Variants in HHIPL1 observed in about 807,000 individuals in gnomAD.
HHIPL1 encodes HHIP like 1.
Under a neutral mutation model 61.8 loss-of-function variants are expected in HHIPL1, and 43 were observed. The observed-to-expected ratio is 0.70, with a 90% confidence interval of 0.55 to 0.90. The LOEUF is 0.90. Among genes scored for constraint, HHIPL1 ranks in the 40% least tolerant of loss-of-function variants. HHIPL1 has a pLI of 0.00. For synonymous variants in HHIPL1, 482 were observed against 515.8 expected (o/e 0.93, Z 0.89); for missense variants, 1,056 against 1,157.7 (o/e 0.91, Z 1.28).
At chr14:99,647,220 G>A (rs2055856459) in intron 1 of HHIPL1, among the ~76,000 whole-genome samples, 1 of 152,210 alleles carries the variant, frequency 6.6e-6, no homozygotes, top group South Asian at 2.1e-4. Context: ...GCAACAGAGG[G>A]TGGGCTGGCC....
chr14:99,666,375 C>T (rs2056245655), intron 6 of HHIPL1, among the ~76,000 whole-genome samples: 1 of 152,196 alleles, frequency 6.6e-6, no homozygotes, highest in South Asian at 2.1e-4. Flanking sequence ...TGGCAGCATC[C>T]GCAGGGGCTC....
Position 99,662,993 on chromosome 14 carries a change from C to A in HHIPL1, c.1620C>A (p.Tyr540Ter). Residue 540 changes from tyrosine (Y) to a stop codon, truncating the protein, a stop_gained, in exon 6 of 9, where the codon TAC becomes TAA. Transcript: ENST00000330710. LOFTEE classifies it high-confidence loss of function. ...GCCTCATCAACAACTACTACCCGTA[C>A]ATCATCTCCTTCGGGGAGGACGAGG... ...FPGLINNYYP[Y>*]IISFGEDEAG... 1.2e-6 allele frequency: 2 copies of A among 1,612,572 alleles called. No individual in the cohort carries two copies. Among genetic ancestry groups the A allele is most frequent in the South Asian group, 1.1e-5 (1 of 90,724 alleles).
At chr14:99,613,410 C>T in the HHIPL1 span, among the ~76,000 whole-genome samples, 1 of 151,718 alleles carries the variant, frequency 6.6e-6, no homozygotes, top group South Asian at 2.1e-4. Context: ...ACCACAGCCT[C>T]GACCTCCTGG....
intron 6 of HHIPL1, among the ~76,000 whole-genome samples, chr14:99,667,498 C>T (rs1000808974): frequency 5.9e-5 from 9 of 152,042 alleles, no homozygotes; most frequent in Admixed American, 5.2e-4. Flanking sequence ...ACATTTTCAG[C>T]GCAGCTCTGA....
At chr14:99,633,922 G>C in the HHIPL1 span, among the ~76,000 whole-genome samples, 3 of 152,244 alleles carry the variant, frequency 2.0e-5, no homozygotes, top group African/African-American at 7.2e-5. Flanking sequence ...AAGGCCCCTG[G>C]TGTGTGAGAA....
intron 6 of HHIPL1, among the ~76,000 whole-genome samples, chr14:99,665,427 T>C (rs1021559592): frequency 1.3e-5 from 2 of 152,210 alleles, no homozygotes; most frequent in African/African-American, 4.8e-5. Flanking sequence ...AATGGTCAAA[T>C]GGGTCAGATC....
At chr14:99,669,679 C>CT (rs1302633838) in intron 7 of HHIPL1, among the ~76,000 whole-genome samples, 262 of 152,356 alleles carry the variant, frequency 1.7e-3, no homozygotes, top group African/African-American at 5.8e-3. Context: ...AATCCCAGCA[C>CT]TTTGGGAGGC....
At chr14:99,656,826 AG>A (rs1566809800) in intron 2 of HHIPL1, among the ~76,000 whole-genome samples, 173 bp from the exon 3 acceptor site, 5,795 of 14,652 alleles carry the variant, frequency 0.4, 1,446 homozygotes, top group East Asian at 0.53. Flanking sequence ...AAAGAAAGAA[AG>A]AAAGAAAGAA....
At chr14:99,651,115 G>A (rs1005294363) in intron 1 of HHIPL1, among the ~76,000 whole-genome samples, 1 of 152,134 alleles carries the variant, frequency 6.6e-6, no homozygotes, top group African/African-American at 2.4e-5. Flanking sequence ...TAGGCGTGGT[G>A]GCTCTCGCCT....
chr14:99,615,405 T>C, the HHIPL1 span, among the ~76,000 whole-genome samples: 1 of 151,950 alleles, frequency 6.6e-6, no homozygotes, highest in African/African-American at 2.4e-5. Context: ...AAATATGGGC[T>C]TGGTGGTGCA....
intron 7 of HHIPL1, chr14:99,669,249 G>C: frequency 9.0e-7 from 1 of 1,111,042 alleles, no homozygotes; most frequent in East Asian, 5.2e-5. Context: ...AGGAACACTT[G>C]ATGAATAAAT....
intron 6 of HHIPL1, among the ~76,000 whole-genome samples, chr14:99,664,915 C>CTT (rs113486043): frequency 5.2e-4 from 73 of 141,688 alleles, no homozygotes; most frequent in Non-Finnish European, 5.9e-4. Context: ...TTTTTTTTTT[C>CTT]TTTTTTTTTT....
chr14:99,634,001 G>A, the HHIPL1 span, among the ~76,000 whole-genome samples: 1 of 152,040 alleles, frequency 6.6e-6, no homozygotes, highest in African/African-American at 2.4e-5. Context: ...TGGAAGCCTG[G>A]CGGGGCAGGA....
chr14:99,623,755 C>T, the HHIPL1 span, among the ~76,000 whole-genome samples: 5 of 152,126 alleles, frequency 3.3e-5, no homozygotes, highest in African/African-American at 1.2e-4. Context: ...GAGGCTCCTG[C>T]CTGCAGCAGG....
Position 99,659,760 on chromosome 14 carries a change from AGTGCCCGCGCC to A in HHIPL1, c.1375+5_1375+15del. ...CTGTGCGCCAACACCTCTCTCAGTGAGTGCCCGCGCCCCGGGGACCCCGGCCCCGAATCCGC... is the reference window on the plus strand; with the variant it reads ...CTGTGCGCCAACACCTCTCTCAGTGACCGGGGACCCCGGCCCCGAATCCGC... On this transcript the variant is annotated splice_donor_5th_base_variant and intron_variant, in intron 4 of 8. Coordinates refer to ENST00000330710, the MANE Select transcript of HHIPL1 (RefSeq NM_001127258.3). 7.4e-7 allele frequency: 1 copy of A among 1,358,872 alleles called. No homozygotes were observed. Among genetic ancestry groups the A allele is most frequent in the Middle Eastern group, 2.7e-4 (1 of 3,730 alleles). 84.2% of individuals were successfully genotyped at this position (1,358,872 alleles called of 1,614,324 possible).
the HHIPL1 span, among the ~76,000 whole-genome samples, chr14:99,611,630 G>C: frequency 3.7e-4 from 45 of 122,926 alleles, 2 homozygotes; most frequent in South Asian, 0.011. Flanking sequence ...TTCTCACTAT[G>C]TTGCCCAGGC....
At chr14:99,649,338 G>C (rs1050218413) in intron 1 of HHIPL1, among the ~76,000 whole-genome samples, 1 of 152,172 alleles carries the variant, frequency 6.6e-6, no homozygotes, top group East Asian at 1.9e-4. Context: ...CCAAGATGGT[G>C]CCTGGTACAA....
chr14:99,668,224 G>C lies in HHIPL1; in HGVS notation c.1651G>C (p.Glu551Gln). Reference sequence around the variant, plus strand: ...TAGTCACTTTGTTCTGTCCAAAGGGGAGCTGTACTTCATGTCGACAGGGGA... The same window carrying C: ...TAGTCACTTTGTTCTGTCCAAAGGGCAGCTGTACTTCATGTCGACAGGGGA... ...IISFGEDEAG[E>Q]LYFMSTGEPS... Residue 551 changes from glutamate (E) to glutamine (Q), a missense_variant and splice_region_variant, in exon 7 of 9, where the codon GAG (glutamate) becomes CAG (glutamine). Glu to Gln is a conservative substitution (Grantham distance 29). Coordinates refer to ENST00000330710, the MANE Select transcript of HHIPL1 (RefSeq NM_001127258.3). This position sits in a 1 kb window ranked among gnomAD's most constrained non-coding sequence, Gnocchi z 4.7. 1 of 1,603,880 alleles carries C rather than the reference G, an allele frequency of 6.2e-7. No homozygotes were observed. The highest frequency in any genetic ancestry group is 8.5e-7 in the Non-Finnish European group (1 of 1,170,740).
At chr14:99,648,040 T>A (rs1240232486) in intron 1 of HHIPL1, among the ~76,000 whole-genome samples, 1 of 152,150 alleles carries the variant, frequency 6.6e-6, no homozygotes, top group South Asian at 2.1e-4. Context: ...GGCTCATGTA[T>A]TCAGCAGGCT....
Sources: gnomAD v4.1 joint callset for allele counts (sites outside exome capture counted in the v4.1 genomes callset) on GRCh38, gnomAD v4.1.1 for gene constraint, Gnocchi (gnomAD v3.1) non-coding constraint, MANE v1.5 for transcripts, NCBI Gene and HGNC (gene_info 2026-07-23, HGNC 2026-07-21) for gene names.